The following ROCK1 variants were observed in gnomAD, a reference collection of about 807,000 sequenced individuals.
The protein encoded by ROCK1 is Rho associated coiled-coil containing protein kinase 1.
In ROCK1, 36 loss-of-function variants were observed where a neutral mutation model predicts 196.8. The ratio of observed to expected loss-of-function variants is 0.18; its 90% CI spans 0.14 to 0.24. The LOEUF is 0.24. ROCK1 is among the 10% of genes least tolerant of loss of function. The pLI, the probability that ROCK1 is intolerant of heterozygous loss-of-function variation, is 1.00. For missense variants in ROCK1, 920 were observed against 1,562.0 expected (o/e 0.59, Z 6.93); for synonymous variants, 443 against 515.9 (o/e 0.86, Z 1.91).
At chr18:21,001,626 A>G (rs1188127203) in intron 16 of ROCK1, among the ~76,000 whole-genome samples, 5 of 152,140 alleles carry the variant, frequency 3.3e-5, no homozygotes, top group East Asian at 1.9e-4. Context: ...TTAGCTGGGC[A>G]TGGTGGCGCA....
intron 16 of ROCK1, among the ~76,000 whole-genome samples, chr18:21,003,347 A>G (rs1244232327): frequency 6.6e-6 from 1 of 152,208 alleles, no homozygotes; most frequent in African/African-American, 2.4e-5. Flanking sequence ...AATGAAATGC[A>G]ATGTCCAAAC....
chr18:21,099,400 G>A (rs935883156), intron 1 of ROCK1, among the ~76,000 whole-genome samples: 1 of 152,136 alleles, frequency 6.6e-6, no homozygotes, highest in Non-Finnish European at 1.5e-5. Context: ...GAGAGACGTG[G>A]ATCAAAGTAA....
intron 1 of ROCK1, among the ~76,000 whole-genome samples, chr18:21,072,998 C>T (rs1200093753): frequency 1.5e-5 from 2 of 133,500 alleles, no homozygotes; most frequent in African/African-American, 2.8e-5. Context: ...CGCTTGAACC[C>T]GGGAGGCAGA....
intron 1 of ROCK1, among the ~76,000 whole-genome samples, chr18:21,075,126 A>C (rs2036418714): frequency 6.6e-6 from 1 of 152,182 alleles, no homozygotes; most frequent in Non-Finnish European, 1.5e-5. Flanking sequence ...TGCGGGGGAG[A>C]AAGTGGCATA....
chr18:21,066,517 A>G (rs1453695573), intron 2 of ROCK1, among the ~76,000 whole-genome samples: 1 of 152,202 alleles, frequency 6.6e-6, no homozygotes, highest in Non-Finnish European at 1.5e-5. Context: ...ATAGATTTCA[A>G]TGCATTTCTG....
At chr18:21,031,830 C>A (rs773796857) in intron 9 of ROCK1, among the ~76,000 whole-genome samples, 5 of 151,806 alleles carry the variant, frequency 3.3e-5, no homozygotes, top group Admixed American at 6.6e-5. Flanking sequence ...AGTACAATAG[C>A]TGAAGTTAAA....
At chr18:21,094,484 C>T (rs1018267551) in intron 1 of ROCK1, among the ~76,000 whole-genome samples, 1 of 152,048 alleles carries the variant, frequency 6.6e-6, no homozygotes, top group Non-Finnish European at 1.5e-5. Context: ...AGACGTCTAT[C>T]ATGCCTATAA....
chr18:20,969,325 A>C (rs1372480940), intron 23 of ROCK1, 117 bp from the exon 24 acceptor site: 4 of 566,446 alleles, frequency 7.1e-6, no homozygotes, highest in Non-Finnish European at 1.2e-5. Context: ...GAACTACAGC[A>C]AATGTCTGGT....
chr18:20,987,232 G>C, intron 18 of ROCK1, 122 bp from the exon 19 acceptor site: 1 of 762,004 alleles, frequency 1.3e-6, no homozygotes, highest in Admixed American at 3.3e-5. Flanking sequence ...GACTTGAATA[G>C]AGCTAGTAAT....
At chr18:20,960,363 A>C (rs2035315437) in intron 27 of ROCK1, among the ~76,000 whole-genome samples, 157 bp from the exon 28 acceptor site, 2 of 152,146 alleles carry the variant, frequency 1.3e-5, no homozygotes, top group Non-Finnish European at 2.9e-5. Context: ...ACACAAATCA[A>C]CTTTAATGGC....
At chr18:20,971,819 C>T (rs2035432030) in intron 22 of ROCK1, among the ~76,000 whole-genome samples, 1 of 151,184 alleles carries the variant, frequency 6.6e-6, no homozygotes, top group Non-Finnish European at 1.5e-5. Flanking sequence ...TAGTATGCCA[C>T]AGAGAATAAT....
In ROCK1 at chr18:21,004,498, G is replaced by A. The variant is rs191177566; in HGVS notation, c.1885+1853C>T. Among the ~76,000 whole-genome samples, 21 of 152,222 alleles carry A rather than the reference G, an allele frequency of 1.4e-4. No individual in the cohort carries two copies. The East Asian group carries it at 3.3e-3, about 24-fold the overall frequency. On this transcript the variant is annotated intron_variant, in intron 16 of 32. Coordinates refer to ENST00000399799, the MANE Select transcript of ROCK1 (RefSeq NM_005406.3). ...ACGTTTAAGTTCCAAATTAAACTCT[G>A]AAAAAGAATAAACTAACAATAAATC...
intron 10 of ROCK1, among the ~76,000 whole-genome samples, chr18:21,027,750 ATTTTT>A (rs751964514): frequency 3.1e-5 from 3 of 95,286 alleles, no homozygotes; most frequent in East Asian, 5.8e-4. Flanking sequence ...GAATCACTTA[ATTTTT>A]TTTTTTTTTT....
intron 32 of ROCK1, among the ~76,000 whole-genome samples, chr18:20,951,877 G>T (rs1423824143): frequency 6.6e-6 from 1 of 152,172 alleles, no homozygotes; most frequent in East Asian, 1.9e-4. Flanking sequence ...AATTCGAGTG[G>T]CCCTATTAAT....
In ROCK1 at chr18:21,008,207, T is replaced by C. The variant is rs1355599539; in HGVS notation, c.1411-13A>G. The C allele has an allele frequency of 2.6e-6, 4 of 1,559,332 alleles. No individual in the cohort carries two copies. The highest frequency in any genetic ancestry group is 2.4e-5 in the South Asian group (2 of 84,370). On this transcript the variant is annotated splice_polypyrimidine_tract_variant and intron_variant, in intron 13 of 32. Transcript: ENST00000399799. ...TTCTTTGATTTCCCTGGAATTATAA[T>C]GATAAAAGTTACCACTGTGATTAAT...
chr18:20,970,870 G>A (rs1309070690), intron 22 of ROCK1, among the ~76,000 whole-genome samples: 1 of 152,160 alleles, frequency 6.6e-6, no homozygotes, highest in African/African-American at 2.4e-5. Flanking sequence ...GCTAGACCCA[G>A]AACTTTATCT....
At chr18:21,090,131 T>C (rs941908657) in intron 1 of ROCK1, among the ~76,000 whole-genome samples, 1 of 152,254 alleles carries the variant, frequency 6.6e-6, no homozygotes, top group African/African-American at 2.4e-5. Context: ...TATAACATCA[T>C]GCATTGATTG....
intron 8 of ROCK1, 100 bp downstream of exon 8, chr18:21,041,997 T>C (rs1358512504): frequency 1.6e-5 from 18 of 1,108,886 alleles, no homozygotes; most frequent in Non-Finnish European, 1.8e-5. Flanking sequence ...ATTTATATTC[T>C]AACAATTTAC....
chr18:21,061,089 T>C (rs1486288192), intron 2 of ROCK1, among the ~76,000 whole-genome samples: 3 of 151,738 alleles, frequency 2.0e-5, no homozygotes, highest in Non-Finnish European at 4.4e-5. Context: ...TATTTTTTTT[T>C]TTTTTTCAAG....
Sources: gnomAD v4.1 joint callset for allele counts (sites outside exome capture counted in the v4.1 genomes callset) on GRCh38, gnomAD v4.1.1 for gene constraint, MANE v1.5 for transcripts, NCBI Gene and HGNC (gene_info 2026-07-23, HGNC 2026-07-21) for gene names.